The following RTRAF variants were observed in gnomAD, a reference collection of about 807,000 sequenced individuals.
RTRAF encodes tRNA-splicing ligase complex subunit RTRAF.
In RTRAF, 14 loss-of-function variants were observed where a neutral mutation model predicts 34.4. The observed-to-expected ratio is 0.41, with a 90% CI of 0.27 to 0.64. The LOEUF (loss-of-function observed/expected upper bound fraction) is 0.64. Among genes scored for constraint, RTRAF ranks in the 30% least tolerant of loss-of-function variants. RTRAF has a pLI of 0.34. For synonymous variants in RTRAF, 96 were observed against 95.3 expected (o/e 1.01, Z -0.04); for missense variants, 291 against 288.4 (o/e 1.01, Z -0.06).
Position 52,004,481 on chromosome 14 carries a change from A to AAGAC in RTRAF, c.705_708dup (p.His237ArgfsTer13). The AAGAC allele has an allele frequency of 6.2e-7, 1 of 1,613,762 alleles. No homozygotes were observed. The highest frequency in any genetic ancestry group is 8.5e-7 in the Non-Finnish European group (1 of 1,179,856). On this transcript the variant is annotated frameshift_variant, in exon 8 of 8. Coordinates refer to ENST00000261700, the MANE Select transcript of RTRAF (RefSeq NM_016039.3). LOFTEE classifies it high-confidence loss of function. ...TGTTCAGGCAATTATTGCTGATCCA[A>AAGAC]AGACAGACCACAGACTGGGAAAAGT...
At position 52,009,478 on chromosome 14, in the gene RTRAF, T is replaced by C. The variant is rs766586382; in HGVS notation, c.*4962T>C. ...AGGAGATGTAATTACATGTGTTATA[T>C]TGCAACCTGGTTCAAGGTGGGTTTT... is the stretch of plus-strand genomic sequence containing the variant. On this transcript the variant is annotated 3_prime_UTR_variant, in exon 8 of 8. Transcript: ENST00000261700. 3.3e-5 allele frequency: 5 copies of C among 152,228 alleles called. No individual in the cohort carries two copies. Among genetic ancestry groups the C allele is most frequent in the Non-Finnish European group, 5.9e-5 (4 of 68,042 alleles). 9.4% of individuals were successfully genotyped at this position (152,228 alleles called of 1,614,324 possible). A position where few individuals can be genotyped will look rare whatever the true frequency, so the allele number is the denominator to read the frequency against.
chr14:52,009,492 A>G lies in RTRAF; in HGVS notation c.*4976A>G, dbSNP rs150624456. ...CATGTGTTATATTGCAACCTGGTTC[A>G]AGGTGGGTTTTCTTTTTATTAAAAA... On this transcript the variant is annotated 3_prime_UTR_variant, in exon 8 of 8. Coordinates refer to ENST00000261700, the MANE Select transcript of RTRAF (RefSeq NM_016039.3). 4.6e-5 allele frequency: 7 copies of G among 152,352 alleles called. No homozygotes were observed. The East Asian group carries it at 1.3e-3, about 29-fold the overall frequency. The allele number at this position is 152,352 out of a possible 1,614,324, so 9.4% of individuals were successfully genotyped here.
chr14:51,993,651 C>T, intron 2 of RTRAF, 72 bp from the exon 3 acceptor site: 1 of 895,248 alleles, frequency 1.1e-6, no homozygotes, highest in Non-Finnish European at 1.8e-6. Flanking sequence ...TCTCTTTCAA[C>T]TCTCCCATTC....
chr14:52,005,808 GTAAAC>G lies in RTRAF; in HGVS notation c.*1294_*1298del. On this transcript the variant is annotated 3_prime_UTR_variant, in exon 8 of 8. Coordinates refer to ENST00000261700, the MANE Select transcript of RTRAF (RefSeq NM_016039.3). ...TCGTTGTTCTGGGAGATACTCATCA[GTAAAC>G]TGGCCACTATGTTTATTTACTGATA... 6.2e-7 allele frequency: 1 copy of G among 1,613,812 alleles called. No homozygotes were observed. Among genetic ancestry groups the G allele is most frequent in the Non-Finnish European group, 8.5e-7 (1 of 1,179,706 alleles).
rs1349378562 is a variant in RTRAF at position 52,004,832 on chromosome 14, G to GTAA, written c.*318_*320dup. 9.7e-6 allele frequency: 2 copies of GTAA among 205,810 alleles called. No homozygotes were observed. The highest frequency in any genetic ancestry group is 5.9e-5 in the Admixed American group (1 of 17,006). The allele number at this position is 205,810 out of a possible 1,614,324, so 12.7% of individuals were successfully genotyped here. On this transcript the variant is annotated 3_prime_UTR_variant, in exon 8 of 8. Transcript: ENST00000261700. ...GGAAAACTTAAAACACTTTATTGGA[G>GTAA]TAATCTAGAAAATTTTAAAATTGTT...
chr14:52,005,866 A>G lies in RTRAF; in HGVS notation c.*1350A>G, dbSNP rs1019196931. 3.2e-6 allele frequency: 5 copies of G among 1,559,152 alleles called. No individual in the cohort carries two copies. Among genetic ancestry groups the G allele is most frequent in the South Asian group, 1.1e-5 (1 of 89,992 alleles). On this transcript the variant is annotated 3_prime_UTR_variant, in exon 8 of 8. Transcript: ENST00000261700. ...ACACCATCCCTGGTAACAGAAAGGA[A>G]GAGTGAATTCAGGGACAGTCATTTA...
chr14:52,001,788 G>T lies in RTRAF; in HGVS notation c.463-10G>T, dbSNP rs765003822. The T allele has an allele frequency of 6.2e-7, 1 of 1,609,656 alleles. No homozygotes were observed. The highest frequency in any genetic ancestry group is 8.5e-7 in the Non-Finnish European group (1 of 1,178,060). On this transcript the variant is annotated splice_polypyrimidine_tract_variant and intron_variant, in intron 5 of 7. Transcript: ENST00000261700. ...CCTATAAAAAGTAAAAATATTTTTG[G>T]GTTTCTTAGGCAATTCGGATTTTGG... is the stretch of plus-strand genomic sequence containing the variant.
At chr14:51,995,251 A>G (rs1890500234) in intron 3 of RTRAF, among the ~76,000 whole-genome samples, 1 of 151,926 alleles carries the variant, frequency 6.6e-6, no homozygotes, top group African/African-American at 2.4e-5. Flanking sequence ...GGTTCATGTC[A>G]AGTTGTCAGC....
At position 52,009,245 on chromosome 14, in the gene RTRAF, C is replaced by T. The variant is rs1017931817; in HGVS notation, c.*4729C>T. ...GGAGGTGGCCAGAGGGTACAGCATG[C>T]ATATCATTGCTTCATCGCTTCTGAT... On this transcript the variant is annotated 3_prime_UTR_variant, in exon 8 of 8. Transcript: ENST00000261700. 4.6e-5 allele frequency: 7 copies of T among 152,166 alleles called. No homozygotes were observed. The highest frequency in any genetic ancestry group is 1.0e-4 in the Non-Finnish European group (7 of 68,034). The allele number at this position is 152,166 out of a possible 1,614,324, so 9.4% of individuals were successfully genotyped here. A position where few individuals can be genotyped will look rare whatever the true frequency, so the allele number is the denominator to read the frequency against.
At position 52,005,405 on chromosome 14, in the gene RTRAF, C is replaced by CTTTCT; in HGVS notation, c.*892_*896dup. 7.3e-7 allele frequency: 1 copy of CTTTCT among 1,364,706 alleles called. No homozygotes were observed. The highest frequency in any genetic ancestry group is 2.5e-5 in the Admixed American group (1 of 39,948). The allele number at this position is 1,364,706 out of a possible 1,614,324, so 84.5% of individuals were successfully genotyped here. On this transcript the variant is annotated 3_prime_UTR_variant, in exon 8 of 8. Coordinates refer to ENST00000261700, the MANE Select transcript of RTRAF (RefSeq NM_016039.3). ...CGTCTAATGGCCAATTCCTTTTTTA[C>CTTTCT]TTTCTTTGCCTTTGCAGTCACTGTT...
chr14:52,004,165 A>ACTC (rs1890662515), intron 6 of RTRAF, 29 bp from the exon 7 acceptor site: 1 of 1,581,614 alleles, frequency 6.3e-7, no homozygotes, highest in African/African-American at 1.4e-5. Flanking sequence ...AACCATAAAT[A>ACTC]CTCTCATTTT....
At chr14:51,996,035 T>C (rs1890516704) in intron 3 of RTRAF, among the ~76,000 whole-genome samples, 1 of 152,132 alleles carries the variant, frequency 6.6e-6, no homozygotes, top group Admixed American at 6.5e-5. Context: ...TGTTCCATTT[T>C]TATAACCCGT....
chr14:52,003,814 T>A (rs545434094), intron 6 of RTRAF, among the ~76,000 whole-genome samples: 15,586 of 152,282 alleles, frequency 0.1, 1,006 homozygotes, highest in East Asian at 0.15. Flanking sequence ...AAGGTACTAT[T>A]TTTGCCGTTT....
rs1738237365 is a variant in RTRAF at position 52,010,039 on chromosome 14, A to G, written c.*5523A>G. On this transcript the variant is annotated 3_prime_UTR_variant, in exon 8 of 8. Coordinates refer to ENST00000261700, the MANE Select transcript of RTRAF (RefSeq NM_016039.3). ...GACCTTCCAAATGTCCAAATGTCAG[A>G]AAGGCAAGCCTATGCAAAGAGTTTT... 1 of 152,250 alleles carries G rather than the reference A, an allele frequency of 6.6e-6. No individual in the cohort carries two copies. The highest frequency in any genetic ancestry group is 1.5e-5 in the Non-Finnish European group (1 of 68,066). The allele number at this position is 152,250 out of a possible 1,614,324, so 9.4% of individuals were successfully genotyped here.
chr14:52,005,220 A>C lies in RTRAF; in HGVS notation c.*704A>C. ...TTTTAAATATTAATGATAAATGTTT[A>C]CAAGAAGTTGCTTTAATAAGCAACA... On this transcript the variant is annotated 3_prime_UTR_variant, in exon 8 of 8. Transcript: ENST00000261700. 2.9e-6 allele frequency: 1 copy of C among 348,918 alleles called. No individual in the cohort carries two copies. The highest frequency in any genetic ancestry group is 5.1e-6 in the Non-Finnish European group (1 of 194,202). 21.6% of individuals were successfully genotyped at this position (348,918 alleles called of 1,614,324 possible). A position where few individuals can be genotyped will look rare whatever the true frequency, so the allele number is the denominator to read the frequency against.
chr14:51,994,257 G>C (rs1011164368), intron 3 of RTRAF, among the ~76,000 whole-genome samples: 1 of 152,070 alleles, frequency 6.6e-6, no homozygotes, highest in African/African-American at 2.4e-5. Context: ...ATACTTCTAT[G>C]GTTGGAAGCT....
chr14:51,996,965 A>G (rs1890530391), intron 3 of RTRAF, among the ~76,000 whole-genome samples: 1 of 151,894 alleles, frequency 6.6e-6, no homozygotes, highest in Non-Finnish European at 1.5e-5. Context: ...GATTTATATG[A>G]TGTTTCCTCA....
chr14:51,992,312 G>C (rs902654654), intron 2 of RTRAF, among the ~76,000 whole-genome samples: 3 of 152,160 alleles, frequency 2.0e-5, no homozygotes, highest in Non-Finnish European at 4.4e-5. Flanking sequence ...TTTCATTTGC[G>C]AGAGCAGTGT....
intron 2 of RTRAF, 40 bp from the exon 3 acceptor site, chr14:51,993,683 A>G (rs1890471697): frequency 8.3e-7 from 1 of 1,201,838 alleles, no homozygotes; most frequent in Non-Finnish European, 1.2e-6. Flanking sequence ...ACTTTATGGT[A>G]ATAATGAAAC....
Sources: gnomAD v4.1 joint callset for allele counts (sites outside exome capture counted in the v4.1 genomes callset) on GRCh38, gnomAD v4.1.1 for gene constraint, MANE v1.5 for transcripts, NCBI Gene and HGNC (gene_info 2026-07-23, HGNC 2026-07-21) for gene names.